The following PEAK1 variants were observed in gnomAD, a reference collection of about 807,000 sequenced individuals.
PEAK1 encodes inactive tyrosine-protein kinase PEAK1.
PEAK1 carries 54 observed loss-of-function variants against 124.7 expected under a neutral mutation model. That is an observed-to-expected ratio of 0.43 (90% CI 0.35 to 0.54). The LOEUF (loss-of-function observed/expected upper bound fraction) is 0.54, where lower values mean the gene tolerates loss of function less well. Among genes scored for constraint, PEAK1 ranks in the 20% least tolerant of loss-of-function variants. The pLI is 0.01. For synonymous variants in PEAK1, 719 were observed against 760.0 expected (o/e 0.95, Z 0.89); for missense variants, 2,046 against 2,134.5 (o/e 0.96, Z 0.82).
At chr15:77,254,974 A>G (rs1322718326) in intron 5 of PEAK1, among the ~76,000 whole-genome samples, 1 of 152,216 alleles carries the variant, frequency 6.6e-6, no homozygotes, top group African/African-American at 2.4e-5. Context: ...GGGAAGGTGA[A>G]GATGCTGTTT....
chr15:77,320,536 T>C (rs951458715), intron 2 of PEAK1, among the ~76,000 whole-genome samples: 1 of 152,194 alleles, frequency 6.6e-6, no homozygotes. Context: ...ACCAACAATT[T>C]ATGCCTTGCC....
At chr15:77,342,992 G>A (rs1456262103) in intron 2 of PEAK1, among the ~76,000 whole-genome samples, 1 of 152,116 alleles carries the variant, frequency 6.6e-6, no homozygotes, top group Non-Finnish European at 1.5e-5. Flanking sequence ...TGGCATTGCT[G>A]GATCATATGA....
intron 2 of PEAK1, among the ~76,000 whole-genome samples, chr15:77,364,793 C>T (rs2068112566): frequency 6.6e-6 from 1 of 152,124 alleles, no homozygotes. Context: ...TTAATAATGG[C>T]CCATTAAAAT....
intron 2 of PEAK1, among the ~76,000 whole-genome samples, chr15:77,292,753 G>T (rs765397379): frequency 6.6e-6 from 1 of 152,112 alleles, no homozygotes. Context: ...TTGGAAATAC[G>T]CAGTTAGTGA....
At chr15:77,173,957 G>T (rs954424977) in intron 7 of PEAK1, among the ~76,000 whole-genome samples, 4 of 152,198 alleles carry the variant, frequency 2.6e-5, no homozygotes, top group Non-Finnish European at 5.9e-5. Flanking sequence ...GTCAATGTCT[G>T]CCAGACCCTG....
chr15:77,409,538 G>C (rs2072224973), intron 1 of PEAK1, among the ~76,000 whole-genome samples: 1 of 152,126 alleles, frequency 6.6e-6, no homozygotes, highest in Non-Finnish European at 1.5e-5. Context: ...CCCAGTGTTT[G>C]ACGCATAGTT....
At chr15:77,150,098 T>C (rs2054473314) in intron 8 of PEAK1, among the ~76,000 whole-genome samples, 1 of 152,186 alleles carries the variant, frequency 6.6e-6, no homozygotes, top group Non-Finnish European at 1.5e-5. Flanking sequence ...GAAAGCTATC[T>C]TTCTGATAGG....
chr15:77,105,303 G>A (rs1369576312), downstream of PEAK1: 2 of 152,626 alleles, frequency 1.3e-5, no homozygotes, highest in East Asian at 3.8e-4. Context: ...CAGAGGGCAA[G>A]GGAGCCATTA....
intron 2 of PEAK1, among the ~76,000 whole-genome samples, chr15:77,299,064 A>G (rs932870646): frequency 5.9e-5 from 9 of 152,312 alleles, no homozygotes; most frequent in Non-Finnish European, 1.2e-4. Flanking sequence ...ACAAAAAGCA[A>G]TAACTACCAA....
chr15:77,339,160 G>A (rs1247503901), intron 2 of PEAK1, among the ~76,000 whole-genome samples: 2 of 149,862 alleles, frequency 1.3e-5, no homozygotes, highest in Admixed American at 6.6e-5. Flanking sequence ...GCCCAGGCTT[G>A]AGTATGGTAC....
intron 5 of PEAK1, among the ~76,000 whole-genome samples, chr15:77,283,285 T>G (rs1474023090): frequency 1.1e-4 from 16 of 152,248 alleles, no homozygotes; most frequent in Non-Finnish European, 1.8e-4. Context: ...GAGATCCTCC[T>G]TTCTTTTATT....
At chr15:77,171,826 A>G (rs997993568) in intron 7 of PEAK1, among the ~76,000 whole-genome samples, 1 of 152,170 alleles carries the variant, frequency 6.6e-6, no homozygotes, top group African/African-American at 2.4e-5. Context: ...TAAGTATTAA[A>G]TAAAAATTTA....
chr15:77,140,885 T>C (rs946433481), intron 8 of PEAK1, among the ~76,000 whole-genome samples: 2 of 152,030 alleles, frequency 1.3e-5, no homozygotes, highest in African/African-American at 4.8e-5. Flanking sequence ...CTATTTTTCA[T>C]AGAGACAGGG....
At chr15:77,161,641 T>C (rs2055650904) in intron 7 of PEAK1, among the ~76,000 whole-genome samples, 1 of 152,156 alleles carries the variant, frequency 6.6e-6, no homozygotes, top group African/African-American at 2.4e-5. Context: ...ATGTCATGTC[T>C]TAATGCTTAA....
At chr15:77,410,803 G>C (rs1295244409) in intron 1 of PEAK1, among the ~76,000 whole-genome samples, 1 of 152,110 alleles carries the variant, frequency 6.6e-6, no homozygotes, top group East Asian at 1.9e-4. Context: ...ACTATTCGGA[G>C]GTAGAAATAA....
chr15:77,239,125 T>C (rs1567153021), intron 6 of PEAK1, among the ~76,000 whole-genome samples: 1 of 152,206 alleles, frequency 6.6e-6, no homozygotes, highest in Non-Finnish European at 1.5e-5. Context: ...CAATGTACCA[T>C]CTTGTACTGA....
chr15:77,278,892 G>C (rs1170585244), intron 5 of PEAK1: 1 of 274,544 alleles, frequency 3.6e-6, no homozygotes, highest in Non-Finnish European at 6.8e-6. Flanking sequence ...GAGTGCAATG[G>C]CATCATCTCT....
At chr15:77,214,338 T>C (rs2059041662) in intron 6 of PEAK1, among the ~76,000 whole-genome samples, 1 of 151,786 alleles carries the variant, frequency 6.6e-6, no homozygotes, top group Non-Finnish European at 1.5e-5. Context: ...AGGTTTAGGC[T>C]GGGCGCGGTG....
At chr15:77,388,572 T>C (rs2070160602) in intron 1 of PEAK1, among the ~76,000 whole-genome samples, 1 of 152,208 alleles carries the variant, frequency 6.6e-6, no homozygotes, top group Admixed American at 6.5e-5. Context: ...CTTACCTGAA[T>C]CTTCTCTCCG....
Sources: allele counts gnomAD v4.1 joint callset (sites outside exome capture counted in the v4.1 genomes callset), GRCh38; gene constraint gnomAD v4.1.1; transcripts MANE v1.5; gene names NCBI Gene and HGNC (gene_info 2026-07-23, HGNC 2026-07-21).